Variants in NPC1 observed in about 807,000 individuals in gnomAD.
NPC1 encodes the protein NPC intracellular cholesterol transporter 1, also known as Niemann-Pick C1 protein.
In NPC1, 85 loss-of-function variants were observed where a neutral mutation model predicts 140.4. That is an observed-to-expected ratio of 0.61 (90% confidence interval 0.51 to 0.72). NPC1 has a LOEUF of 0.72. NPC1 is among the 30% of genes least tolerant of loss of function. The pLI is 0.00. For synonymous variants in NPC1, 656 were observed against 624.8 expected (o/e 1.05, Z -0.74); for missense variants, 1,504 against 1,623.8 (o/e 0.93, Z 1.27).
chr18:23,526,557 C>G, downstream of NPC1: 1 of 1,535,100 alleles, frequency 6.5e-7, no homozygotes, highest in Non-Finnish European at 8.8e-7. Flanking sequence ...ACCCGCCCCG[C>G]AGATGTTTAG....
chr18:23,555,052 C>T (rs1298897675), intron 8 of NPC1, 68 bp from the exon 9 acceptor site: 1 of 997,462 alleles, frequency 1.0e-6, no homozygotes, highest in Non-Finnish European at 1.6e-6. Context: ...CTTGATTAAT[C>T]AGCATTGCCC....
chr18:23,527,758 T>C (rs1293630139), downstream of NPC1: 5 of 1,523,212 alleles, frequency 3.3e-6, no homozygotes, highest in Non-Finnish European at 4.6e-6. Flanking sequence ...TGACATGAAG[T>C]TGGTTTGATC....
chr18:23,523,571 A>AAG (rs2058206715), intron 1 of NPC1, among the ~76,000 whole-genome samples: 1 of 146,256 alleles, frequency 6.8e-6, no homozygotes, highest in East Asian at 1.9e-4. Flanking sequence ...AAAAAAAAAG[A>AAG]AAAAAAGTTA....
At chr18:23,526,306 A>T (rs901063222), downstream of NPC1, among the ~76,000 whole-genome samples, 4 of 152,226 alleles carry the variant, frequency 2.6e-5, no homozygotes, top group African/African-American at 9.6e-5. Flanking sequence ...TTTAAACGTT[A>T]AAAGAGGGGC....
intron 3 of NPC1, chr18:23,506,648 A>G (rs1489309246): frequency 1.6e-5 from 4 of 256,198 alleles, no homozygotes; most frequent in East Asian, 1.4e-4. Context: ...CTTTGCTGTG[A>G]GAGAGAAACA....
intron 11 of NPC1, among the ~76,000 whole-genome samples, chr18:23,546,995 TTC>T (rs907792734): frequency 6.6e-6 from 1 of 152,150 alleles, no homozygotes; most frequent in African/African-American, 2.4e-5. Context: ...ATTCTCTTTT[TTC>T]TTTTTTTTAG....
At chr18:23,561,824 A>G (rs1305659260) in intron 4 of NPC1, among the ~76,000 whole-genome samples, 1 of 152,140 alleles carries the variant, frequency 6.6e-6, no homozygotes, top group Non-Finnish European at 1.5e-5. Context: ...TCAAATCCCC[A>G]CTATATAGAA....
chr18:23,559,779 G>A (rs556438353), intron 6 of NPC1, among the ~76,000 whole-genome samples: 57 of 152,156 alleles, frequency 3.7e-4, no homozygotes, highest in African/African-American at 1.2e-3. Context: ...GTGAAACCCC[G>A]TCTCTACTAA....
intron 1 of NPC1, among the ~76,000 whole-genome samples, chr18:23,578,820 T>G (rs558325521): frequency 6.6e-5 from 10 of 152,214 alleles, no homozygotes; most frequent in Non-Finnish European, 1.2e-4. Flanking sequence ...TCAACAGAGT[T>G]TCAAATGAAA....
chr18:23,555,385 G>C (rs2058935354), intron 8 of NPC1, among the ~76,000 whole-genome samples: 1 of 152,230 alleles, frequency 6.6e-6, no homozygotes, highest in African/African-American at 2.4e-5. Context: ...CTGCACTACA[G>C]CCATTTATAT....
chr18:23,539,563 G>A (rs537617231), intron 18 of NPC1, 93 bp from the exon 19 acceptor site: 11 of 910,478 alleles, frequency 1.2e-5, no homozygotes, highest in African/African-American at 1.7e-5. Context: ...CCTTTTCTAC[G>A]TTTTATACTG....
chr18:23,540,988 C>T lies in NPC1; in HGVS notation c.2514+80G>A. 5 of 1,499,346 alleles carry T rather than the reference C, an allele frequency of 3.3e-6. No homozygotes were observed. In the South Asian group the frequency reaches 3.4e-5, roughly 10 times the overall value. The allele number at this position is 1,499,346 out of a possible 1,614,324, so 92.9% of individuals were successfully genotyped here. On this transcript the variant is annotated intron_variant, in intron 16 of 24. Coordinates refer to ENST00000269228, the MANE Select transcript of NPC1 (RefSeq NM_000271.5). ...TTAACAGCTTTAAGAATCTCCTTCC[C>T]AGGCTGTCTGGCTTCTTAGAAGGCA...
Position 23,545,147 on chromosome 18 carries a change from A to C in NPC1, c.1760T>G (p.Phe587Cys). The C allele has an allele frequency of 6.2e-7, 1 of 1,603,866 alleles. No homozygotes were observed. Among genetic ancestry groups the C allele is most frequent in the South Asian group, 1.1e-5 (1 of 90,842 alleles). Residue 587 changes from phenylalanine (F) to cysteine (C), a missense_variant and splice_region_variant, in exon 12 of 25, where the codon TTT becomes TGT. By Grantham distance (205) the Phe-to-Cys change is radical. Coordinates refer to ENST00000269228, the MANE Select transcript of NPC1 (RefSeq NM_000271.5). ...CTTGTAGTTTTTCACAAAATTAATA[A>C]ACCTAAAAGGTAAGCAAAATGTTAT... The part of the protein sequence containing the change: ...LQRAQAWEKE[F>C]INFVKNYKNP...
intron 13 of NPC1, among the ~76,000 whole-genome samples, chr18:23,543,903 G>T (rs778472828): frequency 3.9e-5 from 6 of 152,172 alleles, no homozygotes; most frequent in Non-Finnish European, 8.8e-5. Context: ...GGACGACTGA[G>T]ACCACCTTCT....
chr18:23,543,540 C>G lies in NPC1; in HGVS notation c.2160G>C (p.Leu720=), dbSNP rs1567953930. ...CTAGGACCCTGCCCAGCTGCTGATC[C>G]AGGGTTTCCCCTTGAAGACGTTCAT... is the stretch of plus-strand genomic sequence containing the variant. ...QRDERLQGET[L]DQQLGRVLGE... is the part of the protein sequence containing the mutation. The change falls in exon 14 of 25, where the codon CTG becomes CTC. Residue 720 remains leucine (L), a synonymous_variant. Coordinates refer to ENST00000269228, the MANE Select transcript of NPC1 (RefSeq NM_000271.5). 3.1e-6 allele frequency: 5 copies of G among 1,607,446 alleles called. No homozygotes were observed. The highest frequency in any genetic ancestry group is 4.3e-6 in the Non-Finnish European group (5 of 1,176,422).
chr18:23,527,786 C>T (rs1459074330), downstream of NPC1: 1 of 1,609,444 alleles, frequency 6.2e-7, no homozygotes, highest in Non-Finnish European at 8.5e-7. Flanking sequence ...GAACATTGTG[C>T]CTTTCCAGTG....
At chr18:23,517,136 A>G (rs992035532) in intron 3 of NPC1, among the ~76,000 whole-genome samples, 8 of 150,696 alleles carry the variant, frequency 5.3e-5, no homozygotes. Context: ...ATAGAGGTAT[A>G]TTTTCTTTTA....
intron 3 of NPC1, among the ~76,000 whole-genome samples, chr18:23,512,028 T>C (rs1305865188): frequency 6.6e-6 from 1 of 150,490 alleles, no homozygotes; most frequent in African/African-American, 2.4e-5. Flanking sequence ...TTTTTTTTTT[T>C]TTTTTTTTCT....
Position 23,572,087 on chromosome 18 carries a change from G to GTAGA in NPC1, c.270_273dup (p.Gln92SerfsTer13). On this transcript the variant is annotated frameshift_variant, in exon 3 of 25. Coordinates refer to ENST00000269228, the MANE Select transcript of NPC1 (RefSeq NM_000271.5). LOFTEE classifies it high-confidence loss of function. ...AGCAGAACCTACCTGGACAGAAACT[G>GTAGA]TAGAGGCAGCTGCAGGTTGTCTTTT... 6.2e-7 allele frequency: 1 copy of GTAGA among 1,613,398 alleles called. No homozygotes were observed. Among genetic ancestry groups the GTAGA allele is most frequent in the South Asian group, 1.1e-5 (1 of 91,054 alleles).
Sources: gnomAD v4.1 joint callset for allele counts (sites outside exome capture counted in the v4.1 genomes callset) on GRCh38, gnomAD v4.1.1 for gene constraint, MANE v1.5 for transcripts, NCBI Gene and HGNC (gene_info 2026-07-23, HGNC 2026-07-21) for gene names.